The following PRELID2 variants were observed in gnomAD, a reference collection of about 807,000 sequenced individuals.
The protein encoded by PRELID2 is PRELI domain-containing protein 2.
PRELID2 carries 25 observed loss-of-function variants against 28.4 expected under a neutral mutation model. The ratio of observed to expected loss-of-function variants is 0.88; its 90% CI spans 0.64 to 1.23. The LOEUF is 1.23. PRELID2 is among the 50% of genes most tolerant of loss of function. The probability of loss-of-function intolerance (pLI) is 0.00; values close to 1 mark genes in which losing one functional copy is unlikely to be tolerated. For synonymous variants in PRELID2, 76 were observed against 71.6 expected (o/e 1.06, Z -0.31); for missense variants, 201 against 214.4 (o/e 0.94, Z 0.39).
At chr5:145,437,653 T>C in the PRELID2 span, among the ~76,000 whole-genome samples, 1 of 152,080 alleles carries the variant, frequency 6.6e-6, no homozygotes, top group African/African-American at 2.4e-5. Flanking sequence ...CACATGACTC[T>C]TCGTGTAGCT....
chr5:145,242,899 G>A, the PRELID2 span, among the ~76,000 whole-genome samples: 23 of 152,034 alleles, frequency 1.5e-4, 1 homozygote, highest in East Asian at 4.5e-3. Flanking sequence ...CACCATATGT[G>A]TTCTTGAGAG....
chr5:145,748,923 T>C (rs1006271554), intron 1 of PRELID2, among the ~76,000 whole-genome samples: 11 of 152,148 alleles, frequency 7.2e-5, no homozygotes, highest in Admixed American at 4.6e-4. Flanking sequence ...GCTAGCCATA[T>C]ACAGAAAACA....
chr5:145,792,310 A>C (rs1752449758), intron 5 of PRELID2, among the ~76,000 whole-genome samples: 2 of 152,178 alleles, frequency 1.3e-5, no homozygotes, highest in Non-Finnish European at 2.9e-5. Flanking sequence ...TATGCATAAA[A>C]TGAAAATAAC....
the PRELID2 span, among the ~76,000 whole-genome samples, chr5:145,236,192 T>G: frequency 6.6e-6 from 1 of 152,166 alleles, no homozygotes; most frequent in African/African-American, 2.4e-5. Flanking sequence ...TGCATGATCA[T>G]TTCCTCTCCA....
the PRELID2 span, among the ~76,000 whole-genome samples, chr5:145,379,698 C>G: frequency 3.9e-5 from 6 of 152,032 alleles, no homozygotes; most frequent in Non-Finnish European, 8.8e-5. Context: ...GACAGCAAAG[C>G]AATGTGGGGA....
intron 1 of PRELID2, among the ~76,000 whole-genome samples, chr5:145,642,343 C>T (rs1240065583): frequency 3.9e-5 from 6 of 152,154 alleles, no homozygotes; most frequent in Admixed American, 3.9e-4. Flanking sequence ...ATATCCTTTG[C>T]CCACTTTTTG....
chr5:145,354,140 G>A, the PRELID2 span, among the ~76,000 whole-genome samples: 3 of 151,952 alleles, frequency 2.0e-5, no homozygotes, highest in Admixed American at 2.0e-4. Flanking sequence ...AAACAAGGTT[G>A]CTAAGAGGCT....
At chr5:145,741,088 A>T in intron 1 of PRELID2, among the ~76,000 whole-genome samples, 1 of 118,226 alleles carries the variant, frequency 8.5e-6, no homozygotes, top group Non-Finnish European at 1.6e-5. Flanking sequence ...AAATAAAATA[A>T]ATATACATAT....
At chr5:145,631,334 G>C (rs994444451) in intron 1 of PRELID2, among the ~76,000 whole-genome samples, 4 of 152,168 alleles carry the variant, frequency 2.6e-5, no homozygotes, top group Non-Finnish European at 4.4e-5. Context: ...CAGTGTGGCT[G>C]TGTGCCTGCC....
rs1485551275 is a variant in PRELID2 at position 145,628,628 on chromosome 5, A to G, written n.70+136303T>C. Among the ~76,000 whole-genome samples, 3 of 152,116 alleles carry G rather than the reference A, an allele frequency of 2.0e-5. No individual in the cohort carries two copies. In the East Asian group the frequency reaches 5.8e-4, roughly 29 times the overall value. ...CATGAGCCACCGCACCCAGCTGAGA[A>G]ATGTATTCTTAATGAGATTTTGAAT... On this transcript the variant is annotated intron_variant and non_coding_transcript_variant, in intron 1 of 2. Coordinates refer to the PRELID2 transcript ENST00000510259.
intron 5 of PRELID2, among the ~76,000 whole-genome samples, chr5:145,766,120 A>G (rs1379061901): frequency 6.6e-6 from 1 of 152,126 alleles, no homozygotes; most frequent in African/African-American, 2.4e-5. Context: ...TAAACCTTCA[A>G]GTGGGAAGAC....
chr5:145,560,015 C>T (rs1294315737), intron 1 of PRELID2, among the ~76,000 whole-genome samples: 1 of 152,160 alleles, frequency 6.6e-6, no homozygotes, highest in Non-Finnish European at 1.5e-5. Context: ...GCCTAGCCTA[C>T]CTTAAACATG....
chr5:145,343,240 G>A, the PRELID2 span, among the ~76,000 whole-genome samples: 5 of 151,724 alleles, frequency 3.3e-5, no homozygotes, highest in Non-Finnish European at 5.9e-5. Flanking sequence ...TTGGCACATC[G>A]AACATTCTCT....
At chr5:145,478,800 G>A (rs370662234) in intron 1 of PRELID2, among the ~76,000 whole-genome samples, 2 of 152,002 alleles carry the variant, frequency 1.3e-5, no homozygotes, top group African/African-American at 2.4e-5. Flanking sequence ...TTTTACCCAC[G>A]CTGTCTTTTG....
chr5:145,512,296 C>A (rs1752468586), intron 1 of PRELID2, among the ~76,000 whole-genome samples: 1 of 152,148 alleles, frequency 6.6e-6, no homozygotes. Context: ...GTGCAGCCCC[C>A]AGAGTGAGAG....
At chr5:145,726,739 G>A (rs1756178004) in intron 1 of PRELID2, among the ~76,000 whole-genome samples, 1 of 152,130 alleles carries the variant, frequency 6.6e-6, no homozygotes, top group African/African-American at 2.4e-5. Flanking sequence ...GCCCAGTTCT[G>A]ACACCAGCTG....
rs1752763708 is a variant in PRELID2, at chr5:145,543,730, T to G, written n.71-70415A>C. Among the ~76,000 whole-genome samples, 4 of 151,992 alleles carry G rather than the reference T, an allele frequency of 2.6e-5. No homozygotes were observed. In the South Asian group the frequency reaches 8.3e-4, roughly 32 times the overall value. On this transcript the variant is annotated intron_variant and non_coding_transcript_variant, in intron 1 of 2. Transcript: ENST00000510259. ...TCAGCCACTGAGTAGAAATTGGCAT[T>G]TTTTTCCCCCTCCAACAACCTTTCT...
At chr5:145,698,894 T>A (rs1440306019) in intron 1 of PRELID2, among the ~76,000 whole-genome samples, 1 of 152,276 alleles carries the variant, frequency 6.6e-6, no homozygotes, top group East Asian at 1.9e-4. Context: ...GCCCGGCTAA[T>A]TTTTTTAGTT....
intron 4 of PRELID2, among the ~76,000 whole-genome samples, chr5:145,799,881 T>C (rs1372365200): frequency 6.6e-6 from 1 of 152,226 alleles, no homozygotes; most frequent in Non-Finnish European, 1.5e-5. Context: ...TGCCATTCCT[T>C]AATGCTTTTA....
Sources: allele counts gnomAD v4.1 joint callset (sites outside exome capture counted in the v4.1 genomes callset), GRCh38; gene constraint gnomAD v4.1.1; transcripts MANE v1.5; gene names NCBI Gene and HGNC (gene_info 2026-07-23, HGNC 2026-07-21).